TLN1: variants seen among roughly 807,000 people sequenced by gnomAD.
TLN1 encodes talin 1.
In TLN1, 56 loss-of-function variants were observed where a neutral mutation model predicts 292.3. That is an observed-to-expected ratio of 0.19 (90% CI 0.15 to 0.24). TLN1 has a LOEUF of 0.24. TLN1 is among the 10% of genes least tolerant of loss of function. TLN1 has a pLI of 1.00. For missense variants in TLN1, 2,433 were observed against 3,248.2 expected (o/e 0.75, Z 6.10); for synonymous variants, 1,119 against 1,253.7 (o/e 0.89, Z 2.27).
chr9:35,706,577 T>G lies in TLN1; in HGVS notation c.5089-26A>C, dbSNP rs1376204034. 1 of 1,610,952 alleles carries G rather than the reference T, an allele frequency of 6.2e-7. No individual in the cohort carries two copies. On this transcript the variant is annotated intron_variant, in intron 38 of 56. Coordinates refer to ENST00000314888, the MANE Select transcript of TLN1 (RefSeq NM_006289.4). The surrounding 1 kb of genome is among the most constrained non-coding windows in gnomAD (Gnocchi z 4.2). ...CTGGGGAGGAAGTGGACATTAGCCC[T>G]GATGGTGACCTGCAATAGGACCCTC... is the stretch of plus-strand genomic sequence containing the variant.
In TLN1 at chr9:35,700,375, A is replaced by C; in HGVS notation, c.6476T>G (p.Val2159Gly). ...GGCAGGTGGCTCTGGGGAACAGAAAACCTGTGGGGGCAGAAGAAGAAGAAA... is the reference window on the plus strand; with the variant it reads ...GGCAGGTGGCTCTGGGGAACAGAAACCCTGTGGGGGCAGAAGAAGAAGAAA... ...TTEHIRQELA[V>G]FCSPEPPAKT... Residue 2159 changes from valine to glycine, a missense_variant and splice_region_variant, in exon 49 of 57, where the codon GTT (valine) becomes GGT (glycine). This residue lies in a region of TLN1 where 1,384 missense variants were observed against 1,699.6 expected (regional missense o/e 0.81). Transcript: ENST00000314888. 6.3e-7 allele frequency: 1 copy of C among 1,595,256 alleles called. No homozygotes were observed. The highest frequency in any genetic ancestry group is 8.6e-7 in the Non-Finnish European group (1 of 1,164,970).
At position 35,707,990 on chromosome 9, in the gene TLN1, C is replaced by G; in HGVS notation, c.4471-98G>C. The G allele has an allele frequency of 1.4e-6, 2 of 1,397,888 alleles. No homozygotes were observed. The highest frequency in any genetic ancestry group is 9.8e-7 in the Non-Finnish European group (1 of 1,020,046). The allele number at this position is 1,397,888 out of a possible 1,614,324, so 86.6% of individuals were successfully genotyped here. Reference sequence around the variant, plus strand: ...GGGTCAGGGGATGGAGAGCAATACCCTGAGGAGTCAAAACAGGAATAACAG... The same window carrying G: ...GGGTCAGGGGATGGAGAGCAATACCGTGAGGAGTCAAAACAGGAATAACAG... On this transcript the variant is annotated intron_variant, in intron 34 of 56. Coordinates refer to ENST00000314888, the MANE Select transcript of TLN1 (RefSeq NM_006289.4). The surrounding 1 kb of genome is among the most constrained non-coding windows in gnomAD (Gnocchi z 5.6).
intron 29 of TLN1, 38 bp downstream of exon 29, chr9:35,711,557 G>C (rs772611727): frequency 6.2e-7 from 1 of 1,613,170 alleles, no homozygotes; most frequent in South Asian, 1.1e-5. Flanking sequence ...CTAACCCTTA[G>C]TGGGAACCAT....
Position 35,717,796 on chromosome 9 carries a change from A to G in TLN1, c.1996-10T>C. 3 of 1,589,782 alleles carry G rather than the reference A, an allele frequency of 1.9e-6. No homozygotes were observed. The highest frequency in any genetic ancestry group is 2.6e-6 in the Non-Finnish European group (3 of 1,161,758). On this transcript the variant is annotated splice_polypyrimidine_tract_variant and intron_variant, in intron 17 of 56. Transcript: ENST00000314888. The surrounding 1 kb of genome is among the most constrained non-coding windows in gnomAD (Gnocchi z 4.7). ...GCTGCATTAGCGCATCCTGTGAGAA[A>G]ACAGCAGTTAGCATGACCTGAGATT...
At position 35,719,879 on chromosome 9, in the gene TLN1, G is replaced by T. The variant is rs189379592; in HGVS notation, c.1465-26C>A. 1 of 1,570,506 alleles carries T rather than the reference G, an allele frequency of 6.4e-7. No individual in the cohort carries two copies. The highest frequency in any genetic ancestry group is 1.2e-5 in the South Asian group (1 of 86,488). On this transcript the variant is annotated intron_variant, in intron 13 of 56. Coordinates refer to ENST00000314888, the MANE Select transcript of TLN1 (RefSeq NM_006289.4). The surrounding 1 kb of genome is among the most constrained non-coding windows in gnomAD (Gnocchi z 4.6). ...CTAAAGACAAGTGGGGAGAAACAGG[G>T]ACTGGAATGGATGTTTGGAGAAAAG...
At chr9:35,726,265 T>C (rs953011838) in intron 1 of TLN1, among the ~76,000 whole-genome samples, 39 of 152,192 alleles carry the variant, frequency 2.6e-4, no homozygotes, top group Non-Finnish European at 5.6e-4. Context: ...CAAGGTACAA[T>C]AGCAGGTCTG....
At chr9:35,728,695 T>C (rs1199622495) in intron 1 of TLN1, among the ~76,000 whole-genome samples, 4 of 152,276 alleles carry the variant, frequency 2.6e-5, no homozygotes, top group South Asian at 2.1e-4. Flanking sequence ...TTTGCACAGA[T>C]AACCTCCATA....
intron 1 of TLN1, among the ~76,000 whole-genome samples, chr9:35,728,998 T>C (rs890563309): frequency 1.3e-5 from 2 of 152,198 alleles, no homozygotes; most frequent in Admixed American, 1.3e-4. Flanking sequence ...AAAGTCTCCA[T>C]GATAAGTATC....
chr9:35,719,074 C>G lies in TLN1; in HGVS notation c.1896G>C (p.Glu632Asp). The change falls in exon 16 of 57, where the codon GAG becomes GAC. Residue 632 changes from glutamate (E) to aspartate (D), a missense_variant and splice_region_variant. Glu to Asp is a conservative substitution (Grantham distance 45). Around this residue, in one of 7 missense-constraint regions of TLN1, gnomAD observed 617 missense variants for 770.6 expected, o/e 0.80. Coordinates refer to ENST00000314888, the MANE Select transcript of TLN1 (RefSeq NM_006289.4). The surrounding 1 kb of genome is among the most constrained non-coding windows in gnomAD (Gnocchi z 4.6). Reference protein sequence around the residue: ...LLRSAQPASAEPRQNLLQAAG... With the variant: ...LLRSAQPASADPRQNLLQAAG... ...CTAACCCAAACCTGTGGCCCCTGACCTCAGCACTGGCTGGTTGGGCACTGC... is the reference window on the plus strand; with the variant it reads ...CTAACCCAAACCTGTGGCCCCTGACGTCAGCACTGGCTGGTTGGGCACTGC... The G allele has an allele frequency of 6.2e-7, 1 of 1,611,664 alleles. No homozygotes were observed. Among genetic ancestry groups the G allele is most frequent in the Non-Finnish European group, 8.5e-7 (1 of 1,178,860 alleles).
chr9:35,722,322 A>G lies in TLN1; in HGVS notation c.844-99T>C. 2.8e-6 allele frequency: 3 copies of G among 1,061,680 alleles called. No individual in the cohort carries two copies. The East Asian group carries it at 7.2e-5, about 26-fold the overall frequency. 65.8% of individuals were successfully genotyped at this position (1,061,680 alleles called of 1,614,324 possible). ...TCTAACGAGAGAGAATTATGGGGAC[A>G]CTGGAAAGGTTGAGGAGTACAAGAT... is the stretch of plus-strand genomic sequence containing the variant. On this transcript the variant is annotated intron_variant, in intron 8 of 56. Coordinates refer to ENST00000314888, the MANE Select transcript of TLN1 (RefSeq NM_006289.4).
intron 20 of TLN1, among the ~76,000 whole-genome samples, chr9:35,715,415 G>C (rs1335640339): frequency 6.6e-6 from 1 of 152,256 alleles, no homozygotes; most frequent in African/African-American, 2.4e-5. Context: ...CTTTCTTAAG[G>C]TGGAATTGTT....
chr9:35,722,573 T>C (rs1280867575), intron 8 of TLN1, among the ~76,000 whole-genome samples: 1 of 152,198 alleles, frequency 6.6e-6, no homozygotes, highest in Non-Finnish European at 1.5e-5. Flanking sequence ...TTATGCTACC[T>C]CATTTGATCC....
At chr9:35,727,069 C>T (rs182435864) in intron 1 of TLN1, among the ~76,000 whole-genome samples, 1 of 152,168 alleles carries the variant, frequency 6.6e-6, no homozygotes, top group African/African-American at 2.4e-5. Context: ...TCTCAGCAGG[C>T]TAGAGGAGGC....
At chr9:35,721,838 C>G (rs1825883677) in intron 9 of TLN1, 35 bp from the exon 10 acceptor site, 2 of 1,599,608 alleles carry the variant, frequency 1.3e-6, no homozygotes, top group Non-Finnish European at 1.7e-6. Flanking sequence ...TGTTACAGGT[C>G]AGAGGTCAAA....
chr9:35,720,183 C>G lies in TLN1; in HGVS notation c.1320G>C (p.Gly440=). ...GGGCCACAGAGCCATGCTCCACTTT[C>G]CCCACCCGGTTGTATTGCTGCTGCA... The part of the protein sequence containing the change: ...TVLQQQYNRV[G]KVEHGSVALP... The change falls in exon 13 of 57, where the codon GGG becomes GGC. Residue 440 remains glycine, a synonymous_variant. Coordinates refer to ENST00000314888, the MANE Select transcript of TLN1 (RefSeq NM_006289.4). The G allele has an allele frequency of 6.2e-7, 1 of 1,604,956 alleles. No individual in the cohort carries two copies. The highest frequency in any genetic ancestry group is 8.5e-7 in the Non-Finnish European group (1 of 1,175,862).
Position 35,699,373 on chromosome 9 carries a change from G to T in TLN1, c.6857C>A (p.Ala2286Asp). The T allele has an allele frequency of 6.2e-7, 1 of 1,613,356 alleles. No individual in the cohort carries two copies. The highest frequency in any genetic ancestry group is 8.5e-7 in the Non-Finnish European group (1 of 1,179,536). ...CCCCTCACCCTTCATGGCTTCAGCA[G>T]CCTGGATGAGCTCAGTGACGGAACC... ...VAGSVTELIQ[A>D]AEAMKGTEWV... The change falls in exon 51 of 57, where the codon GCT becomes GAT. Residue 2286 changes from alanine (A) to aspartate (D), a missense_variant. Ala to Asp is a moderately radical substitution (Grantham distance 126). This residue lies in a region of TLN1 where 1,384 missense variants were observed against 1,699.6 expected (regional missense o/e 0.81). Transcript: ENST00000314888. This position sits in a 1 kb window ranked among gnomAD's most constrained non-coding sequence, Gnocchi z 4.0.
rs1825595461 is a variant in TLN1, at chr9:35,707,988, C to A, written c.4471-96G>T. On this transcript the variant is annotated intron_variant, in intron 34 of 56. Coordinates refer to ENST00000314888, the MANE Select transcript of TLN1 (RefSeq NM_006289.4). This position sits in a 1 kb window ranked among gnomAD's most constrained non-coding sequence, Gnocchi z 5.6. Reference sequence around the variant, plus strand: ...TAGGGTCAGGGGATGGAGAGCAATACCCTGAGGAGTCAAAACAGGAATAAC... The same window carrying A: ...TAGGGTCAGGGGATGGAGAGCAATAACCTGAGGAGTCAAAACAGGAATAAC... 2 of 1,407,092 alleles carry A rather than the reference C, an allele frequency of 1.4e-6. No homozygotes were observed. Among genetic ancestry groups the A allele is most frequent in the African/African-American group, 1.4e-5 (1 of 69,806 alleles). The allele number at this position is 1,407,092 out of a possible 1,614,324, so 87.2% of individuals were successfully genotyped here.
At chr9:35,725,503 G>T in intron 2 of TLN1, 62 bp downstream of exon 2, 1 of 1,592,642 alleles carries the variant, frequency 6.3e-7, no homozygotes, top group South Asian at 1.1e-5. Flanking sequence ...TCAAGGCCGA[G>T]AGCCTGGGAA....
At position 35,722,212 on chromosome 9, in the gene TLN1, A is replaced by G. The variant is rs1486815180; in HGVS notation, c.855T>C (p.Asn285=). Reference sequence around the variant, plus strand: ...CCTCAATCTCACTCATCTGCCCACAATTCTTGTGTGCCTGTGCATAAAATG... The same window carrying G: ...CCTCAATCTCACTCATCTGCCCACAGTTCTTGTGTGCCTGTGCATAAAATG... ...GERKIFQAHK[N]CGQMSEIEAK... The change falls in exon 9 of 57, where the codon AAT becomes AAC. Residue 285 remains asparagine (N), a synonymous_variant. Transcript: ENST00000314888. The G allele has an allele frequency of 1.2e-6, 2 of 1,614,082 alleles. No homozygotes were observed. The highest frequency in any genetic ancestry group is 3.3e-5 in the Admixed American group (2 of 60,008).
Sources: gnomAD v4.1 joint callset for allele counts (sites outside exome capture counted in the v4.1 genomes callset) on GRCh38, gnomAD v4.1.1 for gene constraint, gnomAD v4.1.1 regional missense constraint, Gnocchi (gnomAD v3.1) non-coding constraint, MANE v1.5 for transcripts, NCBI Gene and HGNC (gene_info 2026-07-23, HGNC 2026-07-21) for gene names.